Variants in FAM83D observed in about 807,000 individuals in gnomAD.
The protein encoded by FAM83D is protein FAM83D.
Under a neutral mutation model 25.4 loss-of-function variants are expected in FAM83D, and 26 were observed. The observed-to-expected ratio is 1.02, with a 90% CI of 0.75 to 1.42. FAM83D has a LOEUF of 1.42. FAM83D is among the 40% of genes most tolerant of loss of function. The pLI, the probability that FAM83D is intolerant of heterozygous loss-of-function variation, is 0.00. For synonymous variants in FAM83D, 310 were observed against 318.5 expected, an observed-to-expected ratio of 0.97 and a Z score of 0.28; for missense variants, 740 against 758.1, an observed-to-expected ratio of 0.98 and a Z score of 0.28.
Position 38,951,528 on chromosome 20 carries a change from T to G in FAM83D, c.777-11T>G. On this transcript the variant is annotated splice_polypyrimidine_tract_variant and intron_variant, in intron 3 of 3. Coordinates refer to ENST00000619850, the MANE Select transcript of FAM83D (RefSeq NM_030919.3). ...TTACCAGCTGCTGTTTGTTTCTTTT[T>G]AATCTTTAAGTTTTACATGGACGGA... 1 of 1,602,022 alleles carries G rather than the reference T, an allele frequency of 6.2e-7. No individual in the cohort carries two copies.
intron 1 of FAM83D, among the ~76,000 whole-genome samples, chr20:38,932,585 A>G (rs2085662919): frequency 6.6e-6 from 1 of 152,176 alleles, no homozygotes; most frequent in African/African-American, 2.4e-5. Flanking sequence ...CTTGCTGTAG[A>G]TCCACCCCTC....
intron 2 of FAM83D, among the ~76,000 whole-genome samples, chr20:38,946,126 C>A (rs1212244811): frequency 7.2e-6 from 1 of 139,198 alleles, no homozygotes; most frequent in Admixed American, 8.2e-5. Flanking sequence ...AGGAGAATTG[C>A]TTGAACCTGG....
At chr20:38,935,736 G>A (rs947010494) in intron 1 of FAM83D, among the ~76,000 whole-genome samples, 3 of 152,190 alleles carry the variant, frequency 2.0e-5, no homozygotes, top group South Asian at 2.1e-4. Context: ...GTGAGCCACC[G>A]TGCCGGGCCT....
intron 2 of FAM83D, among the ~76,000 whole-genome samples, chr20:38,944,632 AG>A (rs930683291): frequency 6.6e-6 from 1 of 152,044 alleles, no homozygotes; most frequent in South Asian, 2.1e-4. Flanking sequence ...GATCCTCTGC[AG>A]GGGGGTTTAA....
intron 1 of FAM83D, among the ~76,000 whole-genome samples, chr20:38,937,029 A>G (rs2085681900): frequency 6.6e-6 from 1 of 152,200 alleles, no homozygotes; most frequent in Non-Finnish European, 1.5e-5. Flanking sequence ...GAGAGTGGAC[A>G]CACATGCAGC....
Position 38,951,763 on chromosome 20 carries a change from T to G in FAM83D, c.1001T>G (p.Leu334Arg), listed in dbSNP as rs1181697534. 1 of 1,614,046 alleles carries G rather than the reference T, an allele frequency of 6.2e-7. No homozygotes were observed. Among genetic ancestry groups the G allele is most frequent in the Non-Finnish European group, 8.5e-7 (1 of 1,180,034 alleles). ...LTLGNLLRMR[L>R]ARLSSTPRKA... The stretch of plus-strand genomic sequence containing the variant: ...CTGGGCAACCTGCTGCGGATGCGGC[T>G]GGCTAGGCTGTCAAGTACTCCCAGG... The change falls in exon 4 of 4, where the codon CTG (leucine) becomes CGG (arginine). Residue 334 changes from leucine (L) to arginine (R), a missense_variant. Physicochemically the swap from Leu to Arg is moderately radical, Grantham distance 102. Transcript: ENST00000619850.
At chr20:38,936,890 C>T (rs1415930418) in intron 1 of FAM83D, among the ~76,000 whole-genome samples, 1 of 152,156 alleles carries the variant, frequency 6.6e-6, no homozygotes. Context: ...TCCCAGAGAC[C>T]AAGAAGGCCA....
intron 1 of FAM83D, among the ~76,000 whole-genome samples, chr20:38,935,330 A>G (rs2085674323): frequency 6.6e-6 from 1 of 152,208 alleles, no homozygotes; most frequent in Non-Finnish European, 1.5e-5. Flanking sequence ...CTGGAATAGT[A>G]CAGAGTACTG....
At chr20:38,932,495 A>G (rs2085662629) in intron 1 of FAM83D, among the ~76,000 whole-genome samples, 1 of 152,246 alleles carries the variant, frequency 6.6e-6, no homozygotes, top group South Asian at 2.1e-4. Context: ...ACTGTTTTGA[A>G]CCTTTTGAGA....
intron 3 of FAM83D, among the ~76,000 whole-genome samples, chr20:38,950,734 G>A (rs2085749578): frequency 6.6e-6 from 1 of 152,152 alleles, no homozygotes; most frequent in Non-Finnish European, 1.5e-5. Flanking sequence ...TTAAGATGGG[G>A]GTGCTGGCCT....
chr20:38,926,933 G>T lies in FAM83D; in HGVS notation c.483+8G>T, dbSNP rs758548982. 6 of 1,437,352 alleles carry T rather than the reference G, an allele frequency of 4.2e-6. 1 individual carries two copies. The East Asian group carries it at 1.3e-4, about 32-fold the overall frequency. The allele number at this position is 1,437,352 out of a possible 1,614,324, so 89.0% of individuals were successfully genotyped here. On this transcript the variant is annotated splice_region_variant and intron_variant, in intron 1 of 3. Transcript: ENST00000619850. ...CTCCGCTCGGCGCGAGAGGTGAGCGGCCCTCCAGGGCCCTGGGTCGCACGG... is the reference window on the plus strand; with the variant it reads ...CTCCGCTCGGCGCGAGAGGTGAGCGTCCCTCCAGGGCCCTGGGTCGCACGG...
intron 1 of FAM83D, among the ~76,000 whole-genome samples, chr20:38,941,025 G>A (rs2085699762): frequency 6.6e-6 from 1 of 152,220 alleles, no homozygotes; most frequent in Non-Finnish European, 1.5e-5. Flanking sequence ...CTAAAAGGTA[G>A]CTCTTAATTG....
intron 2 of FAM83D, among the ~76,000 whole-genome samples, chr20:38,945,282 T>C (rs184508309): frequency 6.6e-6 from 1 of 152,318 alleles, no homozygotes; most frequent in East Asian, 1.9e-4. Flanking sequence ...GGTATTCTTA[T>C]GCTTATTATA....
chr20:38,952,095 G>C lies in FAM83D; in HGVS notation c.1333G>C (p.Asp445His). ...GTCCAGATCGACCACTACTCAGACT[G>C]ACATGGATGAGAACATTCTCTTTCC... Reference protein sequence around the residue: ...IWSRSTTTQTDMDENILFPRG... With the variant: ...IWSRSTTTQTHMDENILFPRG... The change falls in exon 4 of 4, where the codon GAC becomes CAC. Residue 445 changes from aspartate to histidine, a missense_variant. Asp to His is a moderately conservative substitution (Grantham distance 81). Around this residue, in one of 3 missense-constraint regions of FAM83D, gnomAD observed 375 missense variants for 403.2 expected, o/e 0.93. Coordinates refer to ENST00000619850, the MANE Select transcript of FAM83D (RefSeq NM_030919.3). 1 of 1,614,222 alleles carries C rather than the reference G, an allele frequency of 6.2e-7. No individual in the cohort carries two copies. The highest frequency in any genetic ancestry group is 8.5e-7 in the Non-Finnish European group (1 of 1,180,042).
intron 2 of FAM83D, 99 bp downstream of exon 2, chr20:38,942,225 G>A: frequency 7.6e-7 from 1 of 1,324,326 alleles, no homozygotes; most frequent in Non-Finnish European, 1.1e-6. Flanking sequence ...TGTTTACAAG[G>A]AAGGGACTGA....
At position 38,947,925 on chromosome 20, in the gene FAM83D, G is replaced by T. The variant is rs368793717; in HGVS notation, c.701G>T (p.Gly234Val). 68 of 1,614,058 alleles carry T rather than the reference G, an allele frequency of 4.2e-5. No homozygotes were observed. The highest frequency in any genetic ancestry group is 5.8e-5 in the Non-Finnish European group (68 of 1,180,024). ...ITGNIYYARSGTKIIGKVHEK... is the reference protein window; with the variant it reads ...ITGNIYYARSVTKIIGKVHEK... ...GGAAATATCTACTATGCAAGGTCAGGAACTAAGATTATTGGGAAGGTTCAC... is the reference window on the plus strand; with the variant it reads ...GGAAATATCTACTATGCAAGGTCAGTAACTAAGATTATTGGGAAGGTTCAC... Residue 234 changes from glycine to valine, a missense_variant, in exon 3 of 4, where the codon GGA becomes GTA. Gly to Val is a moderately radical substitution (Grantham distance 109). Transcript: ENST00000619850.
intron 1 of FAM83D, among the ~76,000 whole-genome samples, chr20:38,934,056 A>G (rs2085668668): frequency 6.6e-6 from 1 of 151,918 alleles, no homozygotes; most frequent in South Asian, 2.1e-4. Flanking sequence ...GGGTTTCACC[A>G]TGTCGGCCAG....
At chr20:38,930,466 GT>G (rs374688531) in intron 1 of FAM83D, among the ~76,000 whole-genome samples, 9 of 148,002 alleles carry the variant, frequency 6.1e-5, no homozygotes, top group African/African-American at 1.5e-4. Context: ...AAGCTCAAGT[GT>G]TTTTTTTTTG....
intron 1 of FAM83D, among the ~76,000 whole-genome samples, chr20:38,928,182 A>T (rs949614291): frequency 3.0e-4 from 45 of 152,192 alleles, no homozygotes; most frequent in Admixed American, 3.3e-4. Context: ...TGTGCCAGGG[A>T]CATGGCAGAT....
Sources: gnomAD v4.1 joint callset for allele counts (sites outside exome capture counted in the v4.1 genomes callset) on GRCh38, gnomAD v4.1.1 for gene constraint, gnomAD v4.1.1 regional missense constraint, MANE v1.5 for transcripts, NCBI Gene and HGNC (gene_info 2026-07-23, HGNC 2026-07-21) for gene names.